DNAH6: variants seen among roughly 807,000 people sequenced by gnomAD.
DNAH6 encodes the protein axonemal beta dynein heavy chain 6.
In DNAH6, 340 loss-of-function variants were observed where a neutral mutation model predicts 491.4. The ratio of observed to expected loss-of-function variants is 0.69; its 90% CI spans 0.63 to 0.76. The LOEUF (loss-of-function observed/expected upper bound fraction) is 0.76. Among genes scored for constraint, DNAH6 ranks in the 30% least tolerant of loss-of-function variants. DNAH6 has a pLI of 0.00. For synonymous variants in DNAH6, 1,603 were observed against 1,686.1 expected (o/e 0.95, Z 1.21); for missense variants, 4,443 against 4,972.2 (o/e 0.89, Z 3.20).
chr2:84,585,044 A>T (rs563219624), intron 15 of DNAH6, among the ~76,000 whole-genome samples: 2 of 152,224 alleles, frequency 1.3e-5, no homozygotes, highest in Non-Finnish European at 2.9e-5. Context: ...GTATACCTTT[A>T]CATGTATTAA....
rs928248271 is a variant in DNAH6, at chr2:84,669,310, T to A, written c.6106T>A (p.Trp2036Arg). The change falls in exon 38 of 77, where the codon TGG becomes AGG. Residue 2036 changes from tryptophan (W) to arginine (R), a missense_variant. Transcript: ENST00000389394. The stretch of plus-strand genomic sequence containing the variant: ...TTAGCTTCCCAATTCTGGTGATCTG[T>A]GGAGCATTCATATGGACTTTGACAC... ...DARLPNSGDL[W>R]SIHMDFDTKR... is the part of the protein sequence containing the mutation. 1 of 1,550,256 alleles carries A rather than the reference T, an allele frequency of 6.5e-7. No individual in the cohort carries two copies. The highest frequency in any genetic ancestry group is 2.0e-5 in the Admixed American group (1 of 50,958).
chr2:84,710,446 C>T (rs1207019983), intron 56 of DNAH6, 34 bp downstream of exon 56: 3 of 1,548,390 alleles, frequency 1.9e-6, no homozygotes, highest in Non-Finnish European at 2.6e-6. Flanking sequence ...CATGTCAGTT[C>T]CCAACTTTCA....
chr2:84,670,825 A>G (rs1023664982), intron 39 of DNAH6, among the ~76,000 whole-genome samples: 16 of 152,238 alleles, frequency 1.1e-4, no homozygotes, highest in Admixed American at 8.5e-4. Context: ...TCAGTGAGGA[A>G]TAAGTATGAG....
At chr2:84,499,895 T>A in the DNAH6 span, among the ~76,000 whole-genome samples, 7 of 152,162 alleles carry the variant, frequency 4.6e-5, no homozygotes, top group Non-Finnish European at 1.0e-4. Context: ...TAGTTTTTTT[T>A]TTTTTCCAAT....
the DNAH6 span, among the ~76,000 whole-genome samples, chr2:84,490,744 T>A: frequency 3.9e-5 from 6 of 152,108 alleles, no homozygotes; most frequent in Non-Finnish European, 8.8e-5. Flanking sequence ...ATATCTTTAG[T>A]AGAGACGGGG....
chr2:84,769,194 C>T (rs544017652), intron 64 of DNAH6, among the ~76,000 whole-genome samples: 19 of 152,288 alleles, frequency 1.2e-4, no homozygotes, highest in Admixed American at 4.6e-4. Flanking sequence ...CGGATCCAGC[C>T]GCTGAGAAGG....
chr2:84,704,887 C>T (rs1437448994), intron 51 of DNAH6, among the ~76,000 whole-genome samples: 1 of 152,118 alleles, frequency 6.6e-6, no homozygotes, highest in East Asian at 1.9e-4. Context: ...GGGCTCAGAG[C>T]ACCACATCAC....
intron 75 of DNAH6, among the ~76,000 whole-genome samples, chr2:84,815,038 A>T (rs1680354548): frequency 6.6e-6 from 1 of 152,236 alleles, no homozygotes; most frequent in Non-Finnish European, 1.5e-5. Context: ...AGCATAGGAA[A>T]AGGTGCTCCC....
intron 42 of DNAH6, among the ~76,000 whole-genome samples, chr2:84,683,484 G>A (rs1282990949): frequency 4.9e-5 from 7 of 143,728 alleles, no homozygotes; most frequent in South Asian, 2.2e-4. Flanking sequence ...GTGCAGTGGC[G>A]TGATCTCGGC....
chr2:84,732,970 G>A (rs1368387958), intron 61 of DNAH6, among the ~76,000 whole-genome samples: 1 of 152,172 alleles, frequency 6.6e-6, no homozygotes, highest in Non-Finnish European at 1.5e-5. Context: ...GTTTCTAAGA[G>A]TATCTAAAAT....
chr2:84,559,430 G>T (rs1680422790), intron 11 of DNAH6, among the ~76,000 whole-genome samples: 1 of 152,102 alleles, frequency 6.6e-6, no homozygotes, highest in African/African-American at 2.4e-5. Context: ...AAACAAAAAA[G>T]AACCTACTTG....
In DNAH6 at chr2:84,579,559, GA is replaced by G; in HGVS notation, c.2115del (p.Val706TrpfsTer48). 6.2e-7 allele frequency: 1 copy of G among 1,613,550 alleles called. No individual in the cohort carries two copies. The highest frequency in any genetic ancestry group is 8.5e-7 in the Non-Finnish European group (1 of 1,179,806). On this transcript the variant is annotated frameshift_variant, in exon 14 of 77. Transcript: ENST00000389394. LOFTEE classifies it high-confidence loss of function. ...LNFMLPRQSK[K>X]KVDAIIFEAQ... is the part of the protein sequence containing the mutation. ...ATTTTATGCTTCCTCGTCAAAGCAAGAAAAAAGTGGATGCCATTATCTTTGA... is the reference window on the plus strand; with the variant it reads ...ATTTTATGCTTCCTCGTCAAAGCAAGAAAAAGTGGATGCCATTATCTTTGA...
At chr2:84,761,789 T>TACACACACACACACACACACAC (rs35707461) in intron 63 of DNAH6, among the ~76,000 whole-genome samples, 2 of 141,782 alleles carry the variant, frequency 1.4e-5, no homozygotes, top group African/African-American at 5.2e-5. Flanking sequence ...CACACACACA[T>TACACACACACACACACACACAC]ACACACACAC....
chr2:84,762,375 A>T (rs555712855), intron 63 of DNAH6, among the ~76,000 whole-genome samples: 1 of 152,192 alleles, frequency 6.6e-6, no homozygotes, highest in East Asian at 1.9e-4. Flanking sequence ...TTGTATGATG[A>T]TAGGAATATC....
At chr2:84,565,330 T>G (rs1681078113) in intron 11 of DNAH6, among the ~76,000 whole-genome samples, 1 of 17,272 alleles carries the variant, frequency 5.8e-5, no homozygotes, top group South Asian at 4.3e-3. Flanking sequence ...GTCCAGGGCT[T>G]TTTTTTTTTG....
intron 64 of DNAH6, among the ~76,000 whole-genome samples, chr2:84,781,078 T>A (rs949246571): frequency 6.6e-6 from 1 of 152,232 alleles, no homozygotes; most frequent in African/African-American, 2.4e-5. Context: ...ATAATATGTA[T>A]TTTTCTGTAT....
At chr2:84,516,672 G>C (rs768374840) in intron 1 of DNAH6, 89 bp downstream of exon 1, 1 of 152,234 alleles carries the variant, frequency 6.6e-6, no homozygotes, top group Admixed American at 6.5e-5. Context: ...AAGGCTCAAA[G>C]AGGCAGAGAA....
rs1676698001 is a variant in DNAH6, at chr2:84,781,490, C to G, written c.10704-3C>G. Reference sequence around the variant, plus strand: ...GATATTGTGTTCTTGCTGTTCAATTCAGGGTGCAGTCAATTTCACTGGGGC... The same window carrying G: ...GATATTGTGTTCTTGCTGTTCAATTGAGGGTGCAGTCAATTTCACTGGGGC... On this transcript the variant is annotated splice_polypyrimidine_tract_variant and splice_region_variant and intron_variant, in intron 64 of 76. Transcript: ENST00000389394. 6.5e-7 allele frequency: 1 copy of G among 1,546,082 alleles called. No homozygotes were observed. The highest frequency in any genetic ancestry group is 1.4e-5 in the African/African-American group (1 of 72,840).
chr2:84,737,416 T>C (rs1299173115), intron 62 of DNAH6, among the ~76,000 whole-genome samples: 2 of 152,116 alleles, frequency 1.3e-5, no homozygotes, highest in African/African-American at 2.4e-5. Context: ...CAGCTCTTCT[T>C]TGTACATCTG....
Sources: gnomAD v4.1 joint callset for allele counts (sites outside exome capture counted in the v4.1 genomes callset) on GRCh38, gnomAD v4.1.1 for gene constraint, MANE v1.5 for transcripts, NCBI Gene and HGNC (gene_info 2026-07-23, HGNC 2026-07-21) for gene names.